Variants in ABCB1 observed in about 807,000 individuals in gnomAD.
ABCB1 encodes ATP binding cassette subfamily B member 1.
ABCB1 carries 69 observed loss-of-function variants against 142.0 expected under a neutral mutation model. The ratio of observed to expected loss-of-function variants is 0.49; its 90% CI spans 0.40 to 0.59. The LOEUF (loss-of-function observed/expected upper bound fraction) is 0.59. Ranked by LOEUF, ABCB1 falls within the 20% of genes least tolerant of loss-of-function variation. ABCB1 has a pLI of 0.00. For missense variants in ABCB1, 1,326 were observed against 1,554.7 expected (o/e 0.85, Z 2.47); for synonymous variants, 532 against 539.2 (o/e 0.99, Z 0.18).
intron 1 of ABCB1, among the ~76,000 whole-genome samples, chr7:87,646,782 C>A (rs1160798241): frequency 1.3e-5 from 2 of 152,060 alleles, no homozygotes; most frequent in Admixed American, 1.3e-4. Context: ...CTGAGATGGA[C>A]GTAGGAAATA....
chr7:87,668,106 A>G (rs373890376), intron 1 of ABCB1, among the ~76,000 whole-genome samples: 2 of 149,294 alleles, frequency 1.3e-5, no homozygotes, highest in Non-Finnish European at 3.0e-5. Flanking sequence ...TTATGAATCC[A>G]TCAGGCCCTT....
At chr7:87,623,491 A>G (rs1054449855) in intron 1 of ABCB1, among the ~76,000 whole-genome samples, 2 of 151,998 alleles carry the variant, frequency 1.3e-5, no homozygotes, top group African/African-American at 4.8e-5. Flanking sequence ...CACTATCCAT[A>G]CCCTATTAAT....
chr7:87,613,028 A>G (rs1396884877), intron 1 of ABCB1, among the ~76,000 whole-genome samples: 1 of 126,748 alleles, frequency 7.9e-6, no homozygotes, highest in East Asian at 2.2e-4. Context: ...TTTTTTTTTT[A>G]ATCTATTGTA....
intron 1 of ABCB1, among the ~76,000 whole-genome samples, chr7:87,653,548 G>A (rs1223725681): frequency 6.6e-6 from 1 of 152,032 alleles, no homozygotes; most frequent in Admixed American, 6.6e-5. Context: ...TGATCTCTGA[G>A]AACTAAATAA....
intron 1 of ABCB1, among the ~76,000 whole-genome samples, chr7:87,690,803 T>A (rs1299606004): frequency 2.6e-5 from 4 of 152,168 alleles, no homozygotes; most frequent in Non-Finnish European, 5.9e-5. Flanking sequence ...TCACTTATAA[T>A]TAGTTTTATT....
intron 4 of ABCB1, among the ~76,000 whole-genome samples, chr7:87,584,007 T>C (rs1563063281): frequency 6.6e-6 from 1 of 152,182 alleles, no homozygotes; most frequent in Non-Finnish European, 1.5e-5. Flanking sequence ...GGACTTCCTC[T>C]GGTGAATGGT....
At chr7:87,698,260 C>T (rs1396938536) in intron 1 of ABCB1, among the ~76,000 whole-genome samples, 3 of 152,006 alleles carry the variant, frequency 2.0e-5, no homozygotes, top group Non-Finnish European at 4.4e-5. Flanking sequence ...CCACCATGCC[C>T]GGCTAATTTC....
chr7:87,522,091 G>A (rs909291906), intron 21 of ABCB1: 41 of 1,232,980 alleles, frequency 3.3e-5, no homozygotes, highest in South Asian at 6.0e-5. Context: ...AGGTAGTTTC[G>A]GTGGGAATGA....
chr7:87,617,868 A>G (rs1364944288), intron 1 of ABCB1, among the ~76,000 whole-genome samples: 1 of 152,104 alleles, frequency 6.6e-6, no homozygotes, highest in Non-Finnish European at 1.5e-5. Context: ...GAATAAAACA[A>G]ATCCTATCTT....
intron 1 of ABCB1, among the ~76,000 whole-genome samples, chr7:87,648,401 T>C (rs754457630): frequency 1.6e-4 from 25 of 151,872 alleles, no homozygotes; most frequent in Non-Finnish European, 8.8e-5. Flanking sequence ...AGGATGAAAA[T>C]GTCCCAGAGG....
intron 1 of ABCB1, among the ~76,000 whole-genome samples, chr7:87,623,749 G>A (rs1820310193): frequency 6.7e-6 from 1 of 150,306 alleles, no homozygotes; most frequent in African/African-American, 2.4e-5. Flanking sequence ...GCTTCTGATA[G>A]TTTTTTTTTC....
At chr7:87,708,772 T>G (rs971440718) in intron 1 of ABCB1, among the ~76,000 whole-genome samples, 4 of 152,200 alleles carry the variant, frequency 2.6e-5, no homozygotes, top group African/African-American at 9.6e-5. Context: ...CTCTTCTAAT[T>G]GTGTCTGTTT....
At chr7:87,639,174 A>AT (rs1251347941) in intron 1 of ABCB1, among the ~76,000 whole-genome samples, 13 of 151,846 alleles carry the variant, frequency 8.6e-5, no homozygotes, top group African/African-American at 2.7e-4. Flanking sequence ...AAAAAAAAAA[A>AT]AATCTATTGT....
At chr7:87,689,139 G>A (rs1321080048) in intron 1 of ABCB1, among the ~76,000 whole-genome samples, 1 of 151,950 alleles carries the variant, frequency 6.6e-6, no homozygotes, top group African/African-American at 2.4e-5. Context: ...ACTATGAAAA[G>A]AGTTAAATAA....
At chr7:87,697,249 A>AT (rs1828572671) in intron 1 of ABCB1, among the ~76,000 whole-genome samples, 1 of 152,094 alleles carries the variant, frequency 6.6e-6, no homozygotes, top group Non-Finnish European at 1.5e-5. Flanking sequence ...ACAATGTTGT[A>AT]TTTTCCCTTG....
chr7:87,660,424 C>T (rs1029730896), intron 1 of ABCB1, among the ~76,000 whole-genome samples: 4 of 152,028 alleles, frequency 2.6e-5, no homozygotes, highest in African/African-American at 9.7e-5. Flanking sequence ...TAATGTGACA[C>T]TTAAAGTAGA....
intron 1 of ABCB1, among the ~76,000 whole-genome samples, chr7:87,662,558 A>G (rs149137004): frequency 1.3e-5 from 2 of 152,112 alleles, no homozygotes; most frequent in African/African-American, 2.4e-5. Flanking sequence ...AAATGAGTTA[A>G]CTGTAGTTTT....
rs921633135 is a variant in ABCB1, at chr7:87,550,292, A to G, written c.1229T>C (p.Leu410Ser). The G allele has an allele frequency of 1.2e-6, 2 of 1,614,086 alleles. No homozygotes were observed. Among genetic ancestry groups the G allele is most frequent in the Non-Finnish European group, 1.7e-6 (2 of 1,179,996 alleles). ...CTGCACCTTCAGGTTCAGACCCTTC[A>G]AGATCTACCAGGACGAGTGAGAAAA... ...SYPSRKEVKI[L>S]KGLNLKVQSG... The change falls in exon 12 of 28, where the codon TTG (leucine) becomes TCG (serine). Residue 410 changes from leucine (L) to serine (S), a missense_variant. Coordinates refer to ENST00000622132, the MANE Select transcript of ABCB1 (RefSeq NM_001348946.2).
At chr7:87,622,017 AT>A (rs1303573813) in intron 1 of ABCB1, among the ~76,000 whole-genome samples, 1 of 152,166 alleles carries the variant, frequency 6.6e-6, no homozygotes, top group Admixed American at 6.5e-5. Context: ...TAGGTTAACT[AT>A]TTTTGATATA....
Sources: gnomAD v4.1 joint callset for allele counts (sites outside exome capture counted in the v4.1 genomes callset) on GRCh38, gnomAD v4.1.1 for gene constraint, MANE v1.5 for transcripts, NCBI Gene and HGNC (gene_info 2026-07-23, HGNC 2026-07-21) for gene names.